NAV1: variants seen among roughly 807,000 people sequenced by gnomAD.
The protein encoded by NAV1 is neuron navigator 1, also known as pore membrane and/or filament interacting like protein 3.
NAV1 carries 18 observed loss-of-function variants against 175.2 expected under a neutral mutation model. The ratio of observed to expected loss-of-function variants is 0.10; its 90% confidence interval spans 0.07 to 0.15. NAV1 has a LOEUF of 0.15. Ranked by LOEUF, NAV1 falls within the 10% of genes least tolerant of loss-of-function variation. NAV1 has a pLI of 1.00. For synonymous variants in NAV1, 897 were observed against 978.7 expected, an observed-to-expected ratio of 0.92 and a Z score of 1.56; for missense variants, 1,731 against 2,436.6, an observed-to-expected ratio of 0.71 and a Z score of 6.10.
At position 201,782,077 on chromosome 1, in the gene NAV1, A is replaced by C; in HGVS notation, c.1664-99A>C. On this transcript the variant is annotated intron_variant, in intron 5 of 29. Coordinates refer to ENST00000367296, the Ensembl canonical transcript of NAV1. This position sits in a 1 kb window ranked among gnomAD's most constrained non-coding sequence, Gnocchi z 5.4. ...TTAGGCCTCTAAAAGTCTACAATAC[A>C]TGGACAATGTTCCCTTCTCCCATGG... The C allele has an allele frequency of 1.8e-6, 2 of 1,092,304 alleles. No homozygotes were observed. Among genetic ancestry groups the C allele is most frequent in the East Asian group, 2.4e-5 (1 of 41,748 alleles). 67.7% of individuals were successfully genotyped at this position (1,092,304 alleles called of 1,614,324 possible). A position where few individuals can be genotyped will look rare whatever the true frequency, so the allele number is the denominator to read the frequency against.
chr1:201,763,155 G>T (rs538620935), intron 3 of NAV1, among the ~76,000 whole-genome samples: 1 of 152,256 alleles, frequency 6.6e-6, no homozygotes, highest in Non-Finnish European at 1.5e-5. Context: ...ACCAAGTTAA[G>T]AATCAAAATC....
intron 2 of NAV1, 111 bp downstream of exon 6, chr1:201,713,030 G>A (rs1671977590): frequency 1.4e-6 from 1 of 722,412 alleles, no homozygotes. Flanking sequence ...TCAGCCAGGT[G>A]GCCTGATGCG....
rs2102807248 is a variant in NAV1, at chr1:201,808,334, A to C, written c.3846-84A>C. On this transcript the variant is annotated intron_variant, in intron 18 of 29. Transcript: ENST00000367296. This position sits in a 1 kb window ranked among gnomAD's most constrained non-coding sequence, Gnocchi z 5.5. ...GAATATCAATGGGCAGGAGAAGCCA[A>C]GACCACCAACCATGCCTCTCAATAT... 6.7e-7 allele frequency: 1 copy of C among 1,494,112 alleles called. No individual in the cohort carries two copies. Among genetic ancestry groups the C allele is most frequent in the East Asian group, 2.3e-5 (1 of 43,800 alleles). 92.6% of individuals were successfully genotyped at this position (1,494,112 alleles called of 1,614,324 possible).
chr1:201,786,264 C>T (rs1676739827), intron 8 of NAV1, among the ~76,000 whole-genome samples, 165 bp from the exon 13 acceptor site: 1 of 152,124 alleles, frequency 6.6e-6, no homozygotes, highest in Admixed American at 6.6e-5. Context: ...GAGGCTGAGT[C>T]GCCACCTCTT....
rs1676395417 is a variant in NAV1, at chr1:201,782,534, C to G, written c.2022C>G (p.Pro674=). The G allele has an allele frequency of 6.2e-7, 1 of 1,611,500 alleles. No homozygotes were observed. Among genetic ancestry groups the G allele is most frequent in the South Asian group, 1.1e-5 (1 of 91,054 alleles). The stretch of plus-strand genomic sequence containing the variant: ...CTAACATCCAGTACCGCAGCCTGCC[C>G]CGGCCAGCCAAGTCAAGTTCTATGA... The change falls in exon 6 of 30, where the codon CCC becomes CCG. Residue 674 remains proline (P), a synonymous_variant. Coordinates refer to ENST00000367296, the Ensembl canonical transcript of NAV1. This position sits in a 1 kb window ranked among gnomAD's most constrained non-coding sequence, Gnocchi z 5.4.
Position 201,790,780 on chromosome 1 carries a change from A to AGT in NAV1, c.3321+15_3321+16dup. 1 of 1,613,668 alleles carries AGT rather than the reference A, an allele frequency of 6.2e-7. No homozygotes were observed. The highest frequency in any genetic ancestry group is 8.5e-7 in the Non-Finnish European group (1 of 1,179,586). On this transcript the variant is annotated intron_variant, in intron 13 of 29. Transcript: ENST00000367296. ...CTTTCTGCCAATGTGAGTGCCATGA[A>AGT]GTACGGAAAGATCAAGGCAGTTATT...
intron 17 of NAV1, among the ~76,000 whole-genome samples, chr1:201,806,330 TCC>T (rs1388182450): frequency 1.3e-5 from 2 of 152,042 alleles, no homozygotes; most frequent in Non-Finnish European, 2.9e-5. Context: ...TTGTGAGATA[TCC>T]CCCAGCAAAT....
At chr1:201,599,820 A>G (rs999627830) in intron 2 of NAV1, among the ~76,000 whole-genome samples, 3 of 152,206 alleles carry the variant, frequency 2.0e-5, no homozygotes, top group African/African-American at 4.8e-5. Flanking sequence ...GTGGTTTTTA[A>G]GCACCATAGG....
chr1:201,689,043 G>A (rs1426312201), intron 1 of NAV1, among the ~76,000 whole-genome samples: 1 of 152,148 alleles, frequency 6.6e-6, no homozygotes, highest in Non-Finnish European at 1.5e-5. Context: ...GTACCTTCAT[G>A]GGCTTCCAAG....
At chr1:201,661,235 TG>T (rs1352496156) in intron 1 of NAV1, among the ~76,000 whole-genome samples, 4 of 152,176 alleles carry the variant, frequency 2.6e-5, no homozygotes, top group African/African-American at 9.7e-5. Flanking sequence ...AGTCTAGCAA[TG>T]GTCCTTAGAG....
At chr1:201,618,981 T>C (rs762678552), upstream of NAV1, among the ~76,000 whole-genome samples, 3 of 151,974 alleles carry the variant, frequency 2.0e-5, no homozygotes, top group Non-Finnish European at 2.9e-5. Context: ...CACCCAAAGA[T>C]GGTCTGATCC....
intron 3 of NAV1, among the ~76,000 whole-genome samples, chr1:201,756,195 G>A (rs1439908088): frequency 6.6e-6 from 1 of 151,262 alleles, no homozygotes; most frequent in South Asian, 2.1e-4. Flanking sequence ...TTACTACTAA[G>A]GAGCAGTGTT....
chr1:201,821,431 C>T (rs1318845027), exon 30 of NAV1: 1 of 152,458 alleles, frequency 6.6e-6, no homozygotes, highest in Non-Finnish European at 1.5e-5. Flanking sequence ...CCTTGAAGGT[C>T]TGGCAATCCC....
In NAV1 at chr1:201,627,574, G is replaced by A. The variant is rs112970326; in HGVS notation, c.-100-1830G>A. Reference sequence around the variant, plus strand: ...ATTATAGAAATGAGCCACTGCACCCGTCTGCCTATTCTTATTTTTAACACT... The same window carrying A: ...ATTATAGAAATGAGCCACTGCACCCATCTGCCTATTCTTATTTTTAACACT... On this transcript the variant is annotated intron_variant, in intron 1 of 29. Coordinates refer to the NAV1 transcript ENST00000367302. Among the ~76,000 whole-genome samples the A allele has an allele frequency of 8.0e-3, 1,065 of 133,608 alleles. 2 individuals are homozygous for A. The highest frequency in any genetic ancestry group is 0.02 in the African/African-American group (709 of 34,628). 87.7% of individuals were successfully genotyped at this position (133,608 alleles called of 152,430 possible). A position where few individuals can be genotyped will look rare whatever the true frequency, so the allele number is the denominator to read the frequency against.
intron 1 of NAV1, among the ~76,000 whole-genome samples, chr1:201,689,033 G>T (rs2102412465): frequency 6.6e-6 from 1 of 152,294 alleles, no homozygotes; most frequent in South Asian, 2.1e-4. Flanking sequence ...AATTAACCAG[G>T]TACCTTCATG....
intron 2 of NAV1, among the ~76,000 whole-genome samples, chr1:201,591,613 G>C (rs1383550271): frequency 6.6e-6 from 1 of 152,200 alleles, no homozygotes; most frequent in East Asian, 1.9e-4. Flanking sequence ...CTGCAGTTCT[G>C]CAGCCTGCTG....
At chr1:201,550,010 CAA>C (rs1186985996) in intron 1 of NAV1, among the ~76,000 whole-genome samples, 3 of 17,698 alleles carry the variant, frequency 1.7e-4, no homozygotes, top group Admixed American at 7.1e-4. Flanking sequence ...GACTCCATCT[CAA>C]AAAAAAAAAA....
intron 2 of NAV1, among the ~76,000 whole-genome samples, chr1:201,614,810 G>A (rs1341795449): frequency 6.6e-6 from 1 of 152,220 alleles, no homozygotes; most frequent in Non-Finnish European, 1.5e-5. Context: ...TTTACTAGCT[G>A]TGTGATCGTG....
At chr1:201,640,263 G>A (rs982845686) in intron 2 of NAV1, among the ~76,000 whole-genome samples, 3 of 152,200 alleles carry the variant, frequency 2.0e-5, no homozygotes, top group Non-Finnish European at 2.9e-5. Context: ...GACCTGCAGT[G>A]TCCACAGAAA....
Sources: gnomAD v4.1 joint callset for allele counts (sites outside exome capture counted in the v4.1 genomes callset) on GRCh38, gnomAD v4.1.1 for gene constraint, Gnocchi (gnomAD v3.1) non-coding constraint, MANE v1.5 for transcripts, NCBI Gene and HGNC (gene_info 2026-07-23, HGNC 2026-07-21) for gene names.